RFX4: variants seen among roughly 807,000 people sequenced by gnomAD.
RFX4 encodes regulatory factor X4.
RFX4 carries 10 observed loss-of-function variants against 95.0 expected under a neutral mutation model. The ratio of observed to expected loss-of-function variants is 0.11; its 90% CI spans 0.06 to 0.18. The LOEUF is 0.18. Ranked by LOEUF, RFX4 falls within the 10% of genes least tolerant of loss-of-function variation. RFX4 has a pLI of 1.00. For synonymous variants in RFX4, 321 were observed against 340.7 expected (o/e 0.94, Z 0.64); for missense variants, 640 against 922.0 (o/e 0.69, Z 3.96).
Position 106,729,341 on chromosome 12 carries a change from A to G in RFX4, c.1352-2789A>G, listed in dbSNP as rs185882544. Reference sequence around the variant, plus strand: ...CTTGTTTGACTCTATGAACAAAACAATCATGTCATGAGATCTTAGAACATA... The same window carrying G: ...CTTGTTTGACTCTATGAACAAAACAGTCATGTCATGAGATCTTAGAACATA... On this transcript the variant is annotated intron_variant, in intron 13 of 17. Coordinates refer to ENST00000392842, the MANE Select transcript of RFX4 (RefSeq NM_213594.3). Among the ~76,000 whole-genome samples, 8 of 152,326 alleles carry G rather than the reference A, an allele frequency of 5.3e-5. No homozygotes were observed. The East Asian group carries it at 5.8e-4, about 11-fold the overall frequency.
chr12:106,696,265 C>T lies in RFX4; in HGVS notation c.670-18C>T, dbSNP rs572229243. The T allele has an allele frequency of 3.1e-6, 5 of 1,613,900 alleles. No individual in the cohort carries two copies. The highest frequency in any genetic ancestry group is 3.3e-5 in the Admixed American group (2 of 60,016). Reference sequence around the variant, plus strand: ...CCCTGGGTAACCTCATGATTCTTCTCTCTGTGGGTCAATACAGGTTCAAAG... The same window carrying T: ...CCCTGGGTAACCTCATGATTCTTCTTTCTGTGGGTCAATACAGGTTCAAAG... On this transcript the variant is annotated intron_variant, in intron 7 of 17. Coordinates refer to ENST00000392842, the MANE Select transcript of RFX4 (RefSeq NM_213594.3).
chr12:106,586,114 GC>G lies in RFX4; in HGVS notation c.43+2755del, dbSNP rs1186610581. ...TCGCTGCCGAGCCCGACAAAGCAAA[GC>G]CCCTCTCGGAGGCAAAGCCCCAGCT... On this transcript the variant is annotated intron_variant, in intron 1 of 17. Coordinates refer to ENST00000392842, the MANE Select transcript of RFX4 (RefSeq NM_213594.3). The surrounding 1 kb of genome is among the most constrained non-coding windows in gnomAD (Gnocchi z 5.6). 1.3e-5 allele frequency: 2 copies of G among 152,250 alleles called. No homozygotes were observed. The highest frequency in any genetic ancestry group is 2.9e-5 in the Non-Finnish European group (2 of 68,048). 9.4% of individuals were successfully genotyped at this position (152,250 alleles called of 1,614,324 possible).
intron 2 of RFX4, among the ~76,000 whole-genome samples, chr12:106,624,855 G>T (rs563010394): frequency 6.6e-6 from 1 of 152,054 alleles, no homozygotes; most frequent in Non-Finnish European, 1.5e-5. Context: ...AAAAATTAAC[G>T]ATTGGCTATT....
At chr12:106,698,923 T>C (rs2041935845) in intron 8 of RFX4, among the ~76,000 whole-genome samples, 1 of 152,104 alleles carries the variant, frequency 6.6e-6, no homozygotes, top group Non-Finnish European at 1.5e-5. Context: ...TTGCTTTTTA[T>C]CTTTATTCCT....
At chr12:106,650,732 GAAAAA>G (rs896135290) in intron 3 of RFX4, among the ~76,000 whole-genome samples, 1 of 142,926 alleles carries the variant, frequency 7.0e-6, no homozygotes, top group African/African-American at 2.6e-5. Flanking sequence ...TGTCTCAAAA[GAAAAA>G]AAAAAAGTCT....
Position 106,687,068 on chromosome 12 carries a change from A to G in RFX4, c.562A>G (p.Asn188Asp). The G allele has an allele frequency of 6.2e-7, 1 of 1,613,694 alleles. No homozygotes were observed. The highest frequency in any genetic ancestry group is 8.5e-7 in the Non-Finnish European group (1 of 1,179,942). Residue 188 changes from asparagine (N) to aspartate (D), a missense_variant, in exon 6 of 18, where the codon AAT (asparagine) becomes GAT (aspartate). Coordinates refer to ENST00000392842, the MANE Select transcript of RFX4 (RefSeq NM_213594.3). Reference protein sequence around the residue: ...LPEFPNVKDLNLPASLPEEKV... With the variant: ...LPEFPNVKDLDLPASLPEEKV... ...AGAATTTCCCAATGTCAAAGATCTA[A>G]ATCTGCCAGCCAGCCTGCCTGAGGA... is the stretch of plus-strand genomic sequence containing the variant.
At chr12:106,621,279 G>A (rs537163603) in intron 2 of RFX4, among the ~76,000 whole-genome samples, 21 of 152,300 alleles carry the variant, frequency 1.4e-4, no homozygotes, top group Middle Eastern at 3.4e-3. Context: ...AGCTCCAGCC[G>A]GTTCCTCTGT....
chr12:106,639,779 A>G (rs956185771), intron 3 of RFX4, among the ~76,000 whole-genome samples: 1 of 152,240 alleles, frequency 6.6e-6, no homozygotes, highest in African/African-American at 2.4e-5. Context: ...TTTAACATTA[A>G]TAACACTAAC....
intron 3 of RFX4, among the ~76,000 whole-genome samples, chr12:106,640,120 A>T (rs2040590476): frequency 6.6e-6 from 1 of 152,218 alleles, no homozygotes; most frequent in Non-Finnish European, 1.5e-5. Flanking sequence ...CCTCCAGGCT[A>T]GGCACTTTAT....
intron 1 of RFX4, among the ~76,000 whole-genome samples, chr12:106,600,606 C>A (rs137973710): frequency 2.0e-5 from 3 of 152,120 alleles, no homozygotes; most frequent in African/African-American, 7.2e-5. Context: ...CAGTGCAGTC[C>A]GCATCACCTG....
Position 106,649,653 on chromosome 12 carries a change from T to G in RFX4, c.192-4575T>G, listed in dbSNP as rs543580629. On this transcript the variant is annotated intron_variant, in intron 3 of 17. Transcript: ENST00000392842. ...ATCTTGACCTCTTGGCCAGATTTAG[T>G]AAGCACACAAGCCACAAGAACAGCA... is the stretch of plus-strand genomic sequence containing the variant. Among the ~76,000 whole-genome samples, 13 of 152,266 alleles carry G rather than the reference T, an allele frequency of 8.5e-5. No homozygotes were observed. The East Asian group carries it at 2.3e-3, about 27-fold the overall frequency.
intron 4 of RFX4, among the ~76,000 whole-genome samples, chr12:106,658,955 A>G (rs896761211): frequency 2.2e-4 from 33 of 152,176 alleles, no homozygotes; most frequent in Non-Finnish European, 3.8e-4. Flanking sequence ...GGAGCCCCAA[A>G]AAGCAGAACT....
chr12:106,735,449 G>GA (rs1296543915), intron 15 of RFX4, among the ~76,000 whole-genome samples: 1 of 150,412 alleles, frequency 6.6e-6, no homozygotes, highest in Non-Finnish European at 1.5e-5. Flanking sequence ...TGAATAAATG[G>GA]AAAAAAAAAT....
chr12:106,620,421 G>T (rs2040159546), intron 2 of RFX4, among the ~76,000 whole-genome samples: 1 of 152,126 alleles, frequency 6.6e-6, no homozygotes. Context: ...AAACCAGCAA[G>T]TTTTTTATTA....
intron 17 of RFX4, among the ~76,000 whole-genome samples, chr12:106,753,980 A>T (rs76983518): frequency 6.6e-6 from 1 of 152,332 alleles, no homozygotes; most frequent in East Asian, 1.9e-4. Flanking sequence ...GCAGAAGTTT[A>T]GGAATGAGAT....
intron 9 of RFX4, among the ~76,000 whole-genome samples, chr12:106,710,835 T>G (rs1269039261): frequency 6.6e-6 from 1 of 152,172 alleles, no homozygotes; most frequent in Non-Finnish European, 1.5e-5. Flanking sequence ...AATCCACAGA[T>G]ATAAGATCAC....
chr12:106,654,126 T>C, intron 3 of RFX4, 102 bp from the exon 4 acceptor site: 1 of 1,495,194 alleles, frequency 6.7e-7, no homozygotes, highest in Non-Finnish European at 9.2e-7. Flanking sequence ...GAAAGAACGT[T>C]ATTTCTAAGG....
intron 4 of RFX4, among the ~76,000 whole-genome samples, chr12:106,672,247 G>T (rs2041297345): frequency 6.6e-6 from 1 of 152,142 alleles, no homozygotes; most frequent in African/African-American, 2.4e-5. Context: ...ACGGACAGGG[G>T]AGATGAGTGA....
At chr12:106,710,390 C>A (rs1055412543) in intron 9 of RFX4, among the ~76,000 whole-genome samples, 1 of 152,154 alleles carries the variant, frequency 6.6e-6, no homozygotes, top group Non-Finnish European at 1.5e-5. Flanking sequence ...CTAAATTCCA[C>A]ATCACAAAGT....
Sources: allele counts gnomAD v4.1 joint callset (sites outside exome capture counted in the v4.1 genomes callset), GRCh38; gene constraint gnomAD v4.1.1; non-coding constraint Gnocchi (gnomAD v3.1); transcripts MANE v1.5; gene names NCBI Gene and HGNC (gene_info 2026-07-23, HGNC 2026-07-21).